Variants in XYLT2 observed in about 807,000 individuals in gnomAD.
The protein encoded by XYLT2 is xylosyltransferase 2.
A neutral mutation model predicts 82.6 loss-of-function variants in XYLT2; 37 were observed. The ratio of observed to expected loss-of-function variants is 0.45; its 90% CI spans 0.34 to 0.59. XYLT2 has a LOEUF of 0.59. XYLT2 is among the 20% of genes least tolerant of loss of function. The pLI, the probability that XYLT2 is intolerant of heterozygous loss-of-function variation, is 0.01. For synonymous variants in XYLT2, 474 were observed against 499.0 expected, an observed-to-expected ratio of 0.95 and a Z score of 0.67; for missense variants, 934 against 1,181.3, an observed-to-expected ratio of 0.79 and a Z score of 3.07.
intron 8 of XYLT2, 116 bp from the exon 9 acceptor site, chr17:50,356,941 G>A (rs1912568075): frequency 6.9e-7 from 1 of 1,459,024 alleles, no homozygotes; most frequent in East Asian, 2.3e-5. Flanking sequence ...CTGTGGGGGT[G>A]AGATCTGGGG....
chr17:50,361,185 G>C lies in XYLT2; in HGVS notation c.*894G>C. 1 of 978,800 alleles carries C rather than the reference G, an allele frequency of 1.0e-6. No individual in the cohort carries two copies. Among genetic ancestry groups the C allele is most frequent in the Non-Finnish European group, 1.2e-6 (1 of 823,460 alleles). 60.6% of individuals were successfully genotyped at this position (978,800 alleles called of 1,614,324 possible). A position where few individuals can be genotyped will look rare whatever the true frequency, so the allele number is the denominator to read the frequency against. On this transcript the variant is annotated 3_prime_UTR_variant, in exon 11 of 11. Coordinates refer to ENST00000017003, the MANE Select transcript of XYLT2 (RefSeq NM_022167.4). ...TCTGTGTTTTTCCTCCTGGGTGTCA[G>C]GAAGCCATCACCATTCATTGGGCCT...
Position 50,360,013 on chromosome 17 carries a change from A to G in XYLT2, c.2320A>G (p.Met774Val). The G allele has an allele frequency of 5.6e-6, 9 of 1,613,308 alleles. No individual in the cohort carries two copies. The highest frequency in any genetic ancestry group is 6.8e-6 in the Non-Finnish European group (8 of 1,179,702). ...CGCAGGGCCACCCCACAACGAGTAC[A>G]TGGAGCAGAGTTTCCAGGGCCTGAG... ...LHAGPPHNEY[M>V]EQSFQGLSSI... Residue 774 changes from methionine to valine, a missense_variant, in exon 11 of 11, where the codon ATG (methionine) becomes GTG (valine). Physicochemically the swap from Met to Val is conservative, Grantham distance 21. Transcript: ENST00000017003.
In XYLT2 at chr17:50,358,440, G is replaced by A. The variant is rs1418247046; in HGVS notation, c.2175G>A (p.Gly725=). ...CACTGAGCCGGCCCCTGCGGCCAGGGCCCTGGACTGTTCGACTCCTTCAGT... is the reference window on the plus strand; with the variant it reads ...CACTGAGCCGGCCCCTGCGGCCAGGACCCTGGACTGTTCGACTCCTTCAGT... ...KPPLSRPLRP[G]PWTVRLLQFW... The change falls in exon 10 of 11, where the codon GGG becomes GGA. Residue 725 remains glycine, a synonymous_variant. Transcript: ENST00000017003. The A allele has an allele frequency of 6.2e-7, 1 of 1,614,184 alleles. No individual in the cohort carries two copies. The highest frequency in any genetic ancestry group is 8.5e-7 in the Non-Finnish European group (1 of 1,180,052).
At chr17:50,353,293 G>T (rs1912346305) in intron 1 of XYLT2, among the ~76,000 whole-genome samples, 1 of 152,066 alleles carries the variant, frequency 6.6e-6, no homozygotes, top group South Asian at 2.1e-4. Flanking sequence ...CCTTCCCTTG[G>T]GACACACGTA....
intron 1 of XYLT2, among the ~76,000 whole-genome samples, chr17:50,348,520 G>A (rs1178487709): frequency 6.6e-6 from 1 of 152,234 alleles, no homozygotes; most frequent in Non-Finnish European, 1.5e-5. Flanking sequence ...AGGATTCAGT[G>A]TGCATTTAAG....
Position 50,360,162 on chromosome 17 carries a change from T to A in XYLT2, c.2469T>A (p.Ala823=). 3.1e-6 allele frequency: 5 copies of A among 1,614,032 alleles called. No homozygotes were observed. Among genetic ancestry groups the A allele is most frequent in the Non-Finnish European group, 3.4e-6 (4 of 1,179,968 alleles). ...AACTGAGCAGCTTCTGGTCCGTGGC[T>A]GGACTGTGTGCCATAGGCCCCTCTC... ...DRELSSFWSV[A]GLCAIGPSPC... is the part of the protein sequence containing the mutation. Residue 823 remains alanine, a synonymous_variant, in exon 11 of 11, where the codon GCT becomes GCA. Transcript: ENST00000017003.
intron 10 of XYLT2, 135 bp downstream of exon 10, chr17:50,358,675 T>TC: frequency 4.3e-6 from 4 of 933,442 alleles, no homozygotes; most frequent in Non-Finnish European, 6.3e-6. Context: ...GCTGGGGCCT[T>TC]CATCTTCTTT....
At chr17:50,350,182 C>CAAA (rs34760778) in intron 1 of XYLT2, among the ~76,000 whole-genome samples, 3 of 18,566 alleles carry the variant, frequency 1.6e-4, no homozygotes, top group African/African-American at 5.0e-4. Flanking sequence ...GACTGCGTCT[C>CAAA]AAAAAAAAAA....
chr17:50,355,998 G>C lies in XYLT2; in HGVS notation c.1305+1G>C. ...CACATACACACTGCTCCCAGCCGAG[G>C]TGGGTAGCCCAGCAGGCATGAAGGC... is the stretch of plus-strand genomic sequence containing the variant. On this transcript the variant is annotated splice_donor_variant, in intron 6 of 10. Transcript: ENST00000017003. LOFTEE classifies it high-confidence loss of function. 1 of 1,614,244 alleles carries C rather than the reference G, an allele frequency of 6.2e-7. No homozygotes were observed. Among genetic ancestry groups the C allele is most frequent in the Non-Finnish European group, 8.5e-7 (1 of 1,180,040 alleles).
chr17:50,361,111 T>C lies in XYLT2; in HGVS notation c.*820T>C. ...ATTGTGCCTGAAGCTCAGCGTGAAG[T>C]CTGAAATATGCAACAGAAGAAATAT... On this transcript the variant is annotated 3_prime_UTR_variant, in exon 11 of 11. Transcript: ENST00000017003. The C allele has an allele frequency of 1.0e-6, 1 of 985,856 alleles. No homozygotes were observed. Among genetic ancestry groups the C allele is most frequent in the Non-Finnish European group, 1.2e-6 (1 of 829,940 alleles). 61.1% of individuals were successfully genotyped at this position (985,856 alleles called of 1,614,324 possible). A position where few individuals can be genotyped will look rare whatever the true frequency, so the allele number is the denominator to read the frequency against.
At chr17:50,347,812 A>G (rs921535699) in intron 1 of XYLT2, among the ~76,000 whole-genome samples, 1 of 152,236 alleles carries the variant, frequency 6.6e-6, no homozygotes, top group Non-Finnish European at 1.5e-5. Context: ...GCCAGGCAGC[A>G]TAACGGGGTG....
In XYLT2 at chr17:50,355,776, C is replaced by T. The variant is rs757499102; in HGVS notation, c.1089-5C>T. ...CCCCAGCCATGGCCTCTCTGCTGCC[C>T]ACAGGTTCATCAAGAAACAGGGCCT... On this transcript the variant is annotated splice_polypyrimidine_tract_variant and splice_region_variant and intron_variant, in intron 5 of 10. Transcript: ENST00000017003. 6 of 1,614,084 alleles carry T rather than the reference C, an allele frequency of 3.7e-6. No individual in the cohort carries two copies. The South Asian group carries it at 6.6e-5, about 18-fold the overall frequency.
intron 7 of XYLT2, 81 bp downstream of exon 7, chr17:50,356,342 AAG>A: frequency 6.4e-7 from 1 of 1,570,384 alleles, no homozygotes; most frequent in South Asian, 1.2e-5. Context: ...GTGGGCCAGT[AAG>A]AGAATCTGGG....
chr17:50,358,254 G>A lies in XYLT2; in HGVS notation c.1989G>A (p.Gly663=), dbSNP rs765987792. The A allele has an allele frequency of 1.9e-6, 3 of 1,612,150 alleles. No homozygotes were observed. Among genetic ancestry groups the A allele is most frequent in the South Asian group, 1.1e-5 (1 of 91,034 alleles). The part of the protein sequence containing the change: ...DPKERLFRNF[G]GLLGPLDEPV... The stretch of plus-strand genomic sequence containing the variant: ...AAGAGCGTCTTTTCCGGAACTTTGG[G>A]GGGTTACTGGGGCCGCTGGACGAGC... Residue 663 remains glycine (G), a synonymous_variant, in exon 10 of 11, where the codon GGG becomes GGA. Transcript: ENST00000017003.
chr17:50,354,219 A>C (rs949477434), intron 2 of XYLT2, 97 bp downstream of exon 2: 21 of 1,563,316 alleles, frequency 1.3e-5, no homozygotes, highest in Admixed American at 7.4e-5. Flanking sequence ...GAAAGAGCCA[A>C]GGGGATCCTA....
chr17:50,350,413 A>G (rs2143195498), intron 1 of XYLT2, among the ~76,000 whole-genome samples: 1 of 110,098 alleles, frequency 9.1e-6, no homozygotes, highest in Non-Finnish European at 1.9e-5. Flanking sequence ...TAAAAATACA[A>G]AAAATTAGCC....
chr17:50,347,937 C>T (rs1236122242), intron 1 of XYLT2, among the ~76,000 whole-genome samples: 1 of 152,224 alleles, frequency 6.6e-6, no homozygotes, highest in Non-Finnish European at 1.5e-5. Flanking sequence ...TTATCAGTAT[C>T]CCTCCTCAAG....
At position 50,353,821 on chromosome 17, in the gene XYLT2, C is replaced by T. The variant is rs766063513; in HGVS notation, c.327C>T (p.Val109=). 1 of 1,582,410 alleles carries T rather than the reference C, an allele frequency of 6.3e-7. No individual in the cohort carries two copies. Among genetic ancestry groups the T allele is most frequent in the Non-Finnish European group, 8.6e-7 (1 of 1,165,614 alleles). Reference sequence around the variant, plus strand: ...GCCGGCAGAGAGCCAGCCGGCGGGTCCCACCTGCCCCACCCCCGGAAGCCC... The same window carrying T: ...GCCGGCAGAGAGCCAGCCGGCGGGTTCCACCTGCCCCACCCCCGGAAGCCC... ...VTSRQRASRR[V]PPAPPPEAPG... Residue 109 remains valine (V), a synonymous_variant, in exon 2 of 11, where the codon GTC becomes GTT. Coordinates refer to ENST00000017003, the MANE Select transcript of XYLT2 (RefSeq NM_022167.4).
chr17:50,356,501 C>G lies in XYLT2; in HGVS notation c.1483-10C>G. On this transcript the variant is annotated splice_polypyrimidine_tract_variant and intron_variant, in intron 7 of 10. Coordinates refer to ENST00000017003, the MANE Select transcript of XYLT2 (RefSeq NM_022167.4). Reference sequence around the variant, plus strand: ...AGAGCCCTTCACCCTCCTTGCCTCTCCCACTCCAGCAAGTCTCCAGACCCA... The same window carrying G: ...AGAGCCCTTCACCCTCCTTGCCTCTGCCACTCCAGCAAGTCTCCAGACCCA... The G allele has an allele frequency of 6.2e-7, 1 of 1,613,326 alleles. No individual in the cohort carries two copies. The highest frequency in any genetic ancestry group is 2.2e-5 in the East Asian group (1 of 44,878).
Sources: allele counts gnomAD v4.1 joint callset (sites outside exome capture counted in the v4.1 genomes callset), GRCh38; gene constraint gnomAD v4.1.1; transcripts MANE v1.5; gene names NCBI Gene and HGNC (gene_info 2026-07-23, HGNC 2026-07-21).